PAX2: variants seen among roughly 807,000 people sequenced by gnomAD.
PAX2 encodes paired box 2.
A neutral mutation model predicts 41.7 loss-of-function variants in PAX2; 9 were observed. The observed-to-expected ratio is 0.22, with a 90% CI of 0.13 to 0.38. The LOEUF (loss-of-function observed/expected upper bound fraction) is 0.38, where lower values mean the gene tolerates loss of function less well. Among genes scored for constraint, PAX2 ranks in the 10% least tolerant of loss-of-function variants. The probability of loss-of-function intolerance (pLI) is 1.00; values close to 1 mark genes in which losing one functional copy is unlikely to be tolerated. For synonymous variants in PAX2, 221 were observed against 212.7 expected, an observed-to-expected ratio of 1.04 and a Z score of -0.34; for missense variants, 418 against 531.6, an observed-to-expected ratio of 0.79 and a Z score of 2.10.
Position 100,750,214 on chromosome 10 carries a change from C to T in PAX2, c.212+300C>T, listed in dbSNP as rs12259313. Among the ~76,000 whole-genome samples, 17,100 of 151,610 alleles carry T rather than the reference C, an allele frequency of 0.11. 2,986 individuals carry two copies. The highest frequency in any genetic ancestry group is 0.37 in the African/African-American group (15,378 of 41,118). On this transcript the variant is annotated intron_variant, in intron 2 of 9. Transcript: ENST00000355243. This position sits in a 1 kb window ranked among gnomAD's most constrained non-coding sequence, Gnocchi z 4.1. The stretch of plus-strand genomic sequence containing the variant: ...TTTCCTAATGGAGTTAAGGCAGATA[C>T]GGGGTGGGAGACATTAGAGGAATGG...
intron 1 of PAX2, 23 bp from the exon 2 acceptor site, chr10:100,749,723 G>GT (rs749045342): frequency 1.3e-5 from 21 of 1,604,410 alleles, no homozygotes; most frequent in African/African-American, 5.3e-5. Context: ...GGGGTGTTGT[G>GT]TTTTTTTCTT....
At chr10:100,804,220 A>G (rs990365268) in intron 5 of PAX2, among the ~76,000 whole-genome samples, 4 of 151,954 alleles carry the variant, frequency 2.6e-5, no homozygotes, top group Non-Finnish European at 4.4e-5. Flanking sequence ...AAATGAAGGC[A>G]AAGAGACTCC....
At chr10:100,778,207 T>C (rs1055394425) in intron 3 of PAX2, among the ~76,000 whole-genome samples, 3 of 152,230 alleles carry the variant, frequency 2.0e-5, no homozygotes, top group African/African-American at 7.2e-5. Flanking sequence ...GCCCCTGCCA[T>C]GCAGCCCAGT....
chr10:100,761,132 C>A (rs78774187), intron 3 of PAX2, among the ~76,000 whole-genome samples: 82 of 151,870 alleles, frequency 5.4e-4, no homozygotes, highest in African/African-American at 2.0e-3. Context: ...CACAGATATG[C>A]CTCGCTAAGT....
chr10:100,782,704 C>G (rs1846680361), intron 5 of PAX2, among the ~76,000 whole-genome samples: 1 of 152,280 alleles, frequency 6.6e-6, no homozygotes, highest in African/African-American at 2.4e-5. Flanking sequence ...CCAAAATATC[C>G]AAACCGATTT....
intron 7 of PAX2, among the ~76,000 whole-genome samples, chr10:100,813,109 G>A (rs1848053270): frequency 6.6e-6 from 1 of 152,276 alleles, no homozygotes; most frequent in Non-Finnish European, 1.5e-5. Context: ...GCTGTCCTGA[G>A]CAGCACGTGG....
At position 100,764,230 on chromosome 10, in the gene PAX2, G is replaced by A. The variant is rs1443314141; in HGVS notation, c.410+13339G>A. 1.1e-4 allele frequency among the ~76,000 whole-genome samples: 15 copies of A among 137,658 alleles called. No homozygotes were observed. In the Admixed American group the frequency reaches 1.1e-3, roughly 11 times the overall value. The allele number at this position is 137,658 out of a possible 152,430, so 90.3% of individuals were successfully genotyped here. A position where few individuals can be genotyped will look rare whatever the true frequency, so the allele number is the denominator to read the frequency against. Reference sequence around the variant, plus strand: ...ACCATCTCGGCTCACTGCAACCTCCGCCTCCCGGGTTCATGCCATTCTTCT... The same window carrying A: ...ACCATCTCGGCTCACTGCAACCTCCACCTCCCGGGTTCATGCCATTCTTCT... On this transcript the variant is annotated intron_variant, in intron 3 of 9. Coordinates refer to ENST00000355243, the MANE Select transcript of PAX2 (RefSeq NM_000278.5).
At chr10:100,808,974 G>A (rs970543612) in intron 6 of PAX2, 136 bp from the exon 7 acceptor site, 9 of 814,270 alleles carry the variant, frequency 1.1e-5, no homozygotes, top group African/African-American at 3.4e-5. Flanking sequence ...CCAAGCCCCC[G>A]CATCTCCCCT....
intron 3 of PAX2, among the ~76,000 whole-genome samples, chr10:100,766,242 G>A (rs1846024969): frequency 6.6e-6 from 1 of 152,184 alleles, no homozygotes; most frequent in South Asian, 2.1e-4. Context: ...GGGGAACTCT[G>A]TATATTTTGC....
chr10:100,785,796 G>T (rs1244314997), intron 5 of PAX2, among the ~76,000 whole-genome samples: 1 of 152,186 alleles, frequency 6.6e-6, no homozygotes, highest in Non-Finnish European at 1.5e-5. Context: ...CATCCCTAGA[G>T]CAGGGCATGG....
intron 7 of PAX2, among the ~76,000 whole-genome samples, chr10:100,818,866 T>C (rs1848279880): frequency 6.6e-6 from 1 of 152,348 alleles, no homozygotes; most frequent in South Asian, 2.1e-4. Context: ...GTATACAGCC[T>C]GTTCTGTAAT....
intron 7 of PAX2, among the ~76,000 whole-genome samples, chr10:100,815,800 A>G (rs1227487670): frequency 6.6e-6 from 1 of 152,186 alleles, no homozygotes; most frequent in African/African-American, 2.4e-5. Context: ...CCTCAATCTC[A>G]GGTCCCAATC....
chr10:100,779,668 C>T (rs1846535184), intron 4 of PAX2, 85 bp downstream of exon 4: 1 of 1,094,820 alleles, frequency 9.1e-7, no homozygotes, highest in East Asian at 2.6e-5. Flanking sequence ...GAACTGCCTG[C>T]CCGCTTGAGG....
chr10:100,751,923 CT>C (rs1183432256), intron 3 of PAX2, among the ~76,000 whole-genome samples: 1 of 152,188 alleles, frequency 6.6e-6, no homozygotes, highest in Non-Finnish European at 1.5e-5. Flanking sequence ...CAGTTCATAC[CT>C]TTGTTATTTT....
At chr10:100,752,890 G>T (rs928061802) in intron 3 of PAX2, among the ~76,000 whole-genome samples, 1 of 152,202 alleles carries the variant, frequency 6.6e-6, no homozygotes, top group South Asian at 2.1e-4. Flanking sequence ...GTGACCCTAG[G>T]ATCAAGCTCC....
chr10:100,825,059 TCAGTGCCCAGCCCACCCCAGC>T (rs1314836245), intron 8 of PAX2: 1 of 1,180,798 alleles, frequency 8.5e-7, no homozygotes, highest in Non-Finnish European at 1.3e-6. Flanking sequence ...AGCTCCACCC[TCAGTGCCCAGCCCACCCCAGC>T]CAGCTGACAC....
chr10:100,805,432 G>T (rs1564736506), intron 5 of PAX2, among the ~76,000 whole-genome samples: 2 of 152,184 alleles, frequency 1.3e-5, no homozygotes, highest in African/African-American at 4.8e-5. Context: ...GTTTGGGGGG[G>T]AAACCCCACT....
chr10:100,775,823 A>AG (rs1846367692), intron 3 of PAX2, among the ~76,000 whole-genome samples: 1 of 152,296 alleles, frequency 6.6e-6, no homozygotes, highest in African/African-American at 2.4e-5. Flanking sequence ...ATGATTGTAC[A>AG]CTGCCTCTCA....
At chr10:100,758,972 T>C (rs113690276) in intron 3 of PAX2, among the ~76,000 whole-genome samples, 3 of 151,560 alleles carry the variant, frequency 2.0e-5, no homozygotes, top group Non-Finnish European at 4.4e-5. Flanking sequence ...AGGCAGAAAG[T>C]GAGGATGAGG....
Sources: allele counts gnomAD v4.1 joint callset (sites outside exome capture counted in the v4.1 genomes callset), GRCh38; gene constraint gnomAD v4.1.1; non-coding constraint Gnocchi (gnomAD v3.1); transcripts MANE v1.5; gene names NCBI Gene and HGNC (gene_info 2026-07-23, HGNC 2026-07-21).